The following BTBD9 variants were observed in gnomAD, a reference collection of about 807,000 sequenced individuals.
The protein encoded by BTBD9 is BTB domain containing 9, also known as BTB/POZ domain-containing protein 9.
A neutral mutation model predicts 64.3 loss-of-function variants in BTBD9; 49 were observed. The ratio of observed to expected loss-of-function variants is 0.76; its 90% CI spans 0.61 to 0.97. The LOEUF is 0.97. Ranked by LOEUF, BTBD9 falls within the 50% of genes least tolerant of loss-of-function variation. BTBD9 has a pLI of 0.00. For synonymous variants in BTBD9, 260 were observed against 274.7 expected, an observed-to-expected ratio of 0.95 and a Z score of 0.53; for missense variants, 598 against 762.1, an observed-to-expected ratio of 0.78 and a Z score of 2.53.
chr6:38,594,866 T>C (rs1776969716), intron 2 of BTBD9, among the ~76,000 whole-genome samples: 2 of 152,166 alleles, frequency 1.3e-5, no homozygotes, highest in Admixed American at 1.3e-4. Flanking sequence ...TCTAGTCAAA[T>C]CTAAAATGTG....
chr6:38,490,478 G>A (rs1390354535), intron 6 of BTBD9, among the ~76,000 whole-genome samples: 1 of 152,006 alleles, frequency 6.6e-6, no homozygotes, highest in Non-Finnish European at 1.5e-5. Flanking sequence ...GCACCACCAG[G>A]CCTGGCTAAT....
intron 6 of BTBD9, among the ~76,000 whole-genome samples, chr6:38,346,758 C>T (rs544401387): frequency 5.3e-4 from 80 of 152,282 alleles, no homozygotes; most frequent in African/African-American, 1.7e-3. Context: ...GGCACCTTGG[C>T]CTGAATCTAA....
chr6:38,567,734 C>T (rs1242943843), intron 6 of BTBD9, among the ~76,000 whole-genome samples: 3 of 152,150 alleles, frequency 2.0e-5, no homozygotes, highest in African/African-American at 7.2e-5. Context: ...ACAGACAGCA[C>T]CCTGATCTAG....
intron 9 of BTBD9, among the ~76,000 whole-genome samples, chr6:38,213,627 G>C (rs888513287): frequency 6.6e-6 from 1 of 152,094 alleles, no homozygotes; most frequent in African/African-American, 2.4e-5. Flanking sequence ...GCAGTATGTG[G>C]CATGTAACAA....
At chr6:38,194,606 T>G (rs976470907) in intron 9 of BTBD9, among the ~76,000 whole-genome samples, 3 of 152,174 alleles carry the variant, frequency 2.0e-5, no homozygotes, top group Non-Finnish European at 1.5e-5. Context: ...CGTGTGGCTC[T>G]GAGAGTGAAG....
At chr6:38,350,797 C>T (rs1764472476) in intron 6 of BTBD9, among the ~76,000 whole-genome samples, 1 of 152,214 alleles carries the variant, frequency 6.6e-6, no homozygotes, top group Non-Finnish European at 1.5e-5. Flanking sequence ...CTAACAAGAA[C>T]TTAAGCTACA....
chr6:38,461,199 A>T (rs192263989), intron 6 of BTBD9, among the ~76,000 whole-genome samples: 223 of 152,328 alleles, frequency 1.5e-3, no homozygotes, highest in African/African-American at 4.9e-3. Flanking sequence ...AACAAACTGT[A>T]CGTATTTGAG....
chr6:38,438,631 A>T (rs778063113), intron 6 of BTBD9, among the ~76,000 whole-genome samples: 1 of 152,214 alleles, frequency 6.6e-6, no homozygotes, highest in Non-Finnish European at 1.5e-5. Flanking sequence ...GGAAACTACA[A>T]GGAAGGGTGA....
At chr6:38,565,071 T>C (rs760846845) in intron 6 of BTBD9, among the ~76,000 whole-genome samples, 4 of 152,206 alleles carry the variant, frequency 2.6e-5, no homozygotes, top group Non-Finnish European at 5.9e-5. Flanking sequence ...GTTCTAAACT[T>C]CAAAATTCTT....
chr6:38,312,177 C>T (rs916278084), intron 7 of BTBD9, among the ~76,000 whole-genome samples: 4 of 152,094 alleles, frequency 2.6e-5, no homozygotes, highest in Non-Finnish European at 5.9e-5. Flanking sequence ...AGCACCTTTT[C>T]GTATGCCTGT....
intron 6 of BTBD9, among the ~76,000 whole-genome samples, chr6:38,356,607 C>G (rs1764738019): frequency 6.6e-6 from 1 of 152,020 alleles, no homozygotes; most frequent in African/African-American, 2.4e-5. Flanking sequence ...TTTCCATATC[C>G]TTATACAGGT....
intron 6 of BTBD9, among the ~76,000 whole-genome samples, chr6:38,572,398 A>C (rs1467434834): frequency 1.3e-5 from 2 of 152,290 alleles, no homozygotes; most frequent in East Asian, 3.9e-4. Flanking sequence ...CATTCTAGTG[A>C]GATGTTTATC....
chr6:38,479,207 C>T (rs995686733), intron 6 of BTBD9, among the ~76,000 whole-genome samples: 2 of 152,076 alleles, frequency 1.3e-5, no homozygotes, highest in South Asian at 2.1e-4. Flanking sequence ...ACCTGACAGG[C>T]GCCCAATGTG....
intron 9 of BTBD9, among the ~76,000 whole-genome samples, chr6:38,203,810 G>T (rs1762546809): frequency 6.6e-6 from 1 of 152,126 alleles, no homozygotes; most frequent in African/African-American, 2.4e-5. Context: ...TTTACAGTTA[G>T]TTAGAAGAAA....
At chr6:38,213,707 C>T (rs989596091) in intron 9 of BTBD9, among the ~76,000 whole-genome samples, 6 of 152,084 alleles carry the variant, frequency 3.9e-5, no homozygotes, top group African/African-American at 1.2e-4. Context: ...CATGGCTGGG[C>T]GTGGTGGCTC....
chr6:38,202,107 A>G (rs1762486804), intron 9 of BTBD9, among the ~76,000 whole-genome samples: 3 of 127,886 alleles, frequency 2.3e-5, no homozygotes, highest in Non-Finnish European at 3.1e-5. Context: ...TTTTTTTGAG[A>G]TGGAATCTCG....
rs550680317 is a variant in BTBD9, at chr6:38,510,044, AAC to A, written c.1154+67554_1154+67555del. Reference sequence around the variant, plus strand: ...TCTCCCAGCACTAGCACCACCAAAAAACACACAAACTCCACAGTCTAGCCACA... The same window carrying A: ...TCTCCCAGCACTAGCACCACCAAAAAACACAAACTCCACAGTCTAGCCACA... On this transcript the variant is annotated intron_variant, in intron 6 of 10. Transcript: ENST00000481247. Among the ~76,000 whole-genome samples the A allele has an allele frequency of 1.0e-3, 155 of 152,336 alleles. 1 individual carries two copies. The highest frequency in any genetic ancestry group is 1.9e-4 in the Non-Finnish European group (13 of 68,034).
intron 6 of BTBD9, among the ~76,000 whole-genome samples, chr6:38,417,273 T>C (rs950530559): frequency 6.6e-5 from 10 of 152,230 alleles, no homozygotes; most frequent in Admixed American, 2.6e-4. Context: ...AGGCAGCTCC[T>C]AAGAAGTAAT....
At position 38,243,449 on chromosome 6, in the gene BTBD9, G is replaced by C. The variant is rs898871363; in HGVS notation, c.1562+12960C>G. ...AGACTCTAGTACAGCAACAGACGTA[G>C]AGTATAGAAATTCTCTGCAACAGTA... On this transcript the variant is annotated intron_variant, in intron 9 of 10. Transcript: ENST00000481247. Among the ~76,000 whole-genome samples, 4 of 152,216 alleles carry C rather than the reference G, an allele frequency of 2.6e-5. No homozygotes were observed. The South Asian group carries it at 8.3e-4, about 32-fold the overall frequency.
Sources: gnomAD v4.1 joint callset for allele counts (sites outside exome capture counted in the v4.1 genomes callset) on GRCh38, gnomAD v4.1.1 for gene constraint, MANE v1.5 for transcripts, NCBI Gene and HGNC (gene_info 2026-07-23, HGNC 2026-07-21) for gene names.